The following TRAPPC9 variants were observed in gnomAD, a reference collection of about 807,000 sequenced individuals.
TRAPPC9 encodes the protein trafficking protein particle complex subunit 9, also known as IKK2 binding protein.
In TRAPPC9, 83 loss-of-function variants were observed where a neutral mutation model predicts 124.0. The ratio of observed to expected loss-of-function variants is 0.67; its 90% CI spans 0.56 to 0.80. TRAPPC9 has a LOEUF of 0.80. Ranked by LOEUF, TRAPPC9 falls within the 30% of genes least tolerant of loss-of-function variation. The pLI, the probability that TRAPPC9 is intolerant of heterozygous loss-of-function variation, is 0.00. For missense variants in TRAPPC9, 1,302 were observed against 1,508.3 expected (o/e 0.86, Z 2.27); for synonymous variants, 638 against 617.5 (o/e 1.03, Z -0.49).
chr8:140,181,844 T>C (rs1427320827), intron 17 of TRAPPC9, among the ~76,000 whole-genome samples: 1 of 152,202 alleles, frequency 6.6e-6, no homozygotes, highest in East Asian at 1.9e-4. Context: ...AATTACTTCT[T>C]ATGGGAAGTC....
At chr8:140,275,126 G>A (rs1295781334) in intron 15 of TRAPPC9, among the ~76,000 whole-genome samples, 2 of 152,138 alleles carry the variant, frequency 1.3e-5, no homozygotes, top group Non-Finnish European at 2.9e-5. Flanking sequence ...CTCTTGTAAT[G>A]TATGTGCTAA....
At chr8:140,156,586 C>T (rs961051991) in intron 17 of TRAPPC9, among the ~76,000 whole-genome samples, 3 of 152,212 alleles carry the variant, frequency 2.0e-5, no homozygotes, top group Non-Finnish European at 2.9e-5. Context: ...GCGGGAGCCT[C>T]GGAGTTCTGT....
chr8:139,951,002 T>TC (rs1834606446), intron 19 of TRAPPC9, among the ~76,000 whole-genome samples: 1 of 152,086 alleles, frequency 6.6e-6, no homozygotes, highest in Non-Finnish European at 1.5e-5. Context: ...ACAGAGTGCC[T>TC]CACCTGCTCA....
At chr8:139,960,476 G>A (rs927608660) in intron 19 of TRAPPC9, among the ~76,000 whole-genome samples, 10 of 152,090 alleles carry the variant, frequency 6.6e-5, no homozygotes, top group African/African-American at 2.4e-4. Flanking sequence ...GGGTTCTCCC[G>A]CCTCTCAATG....
At chr8:139,945,206 G>A (rs1378639462) in intron 19 of TRAPPC9, among the ~76,000 whole-genome samples, 1 of 152,058 alleles carries the variant, frequency 6.6e-6, no homozygotes, top group East Asian at 1.9e-4. Flanking sequence ...TATAAGTAAA[G>A]TACTTTAAAT....
At chr8:139,858,708 C>T (rs1219340112) in intron 21 of TRAPPC9, among the ~76,000 whole-genome samples, 3 of 151,946 alleles carry the variant, frequency 2.0e-5, no homozygotes, top group East Asian at 3.9e-4. Flanking sequence ...GCAACACAGC[C>T]GGCACCTGCA....
At chr8:139,909,746 G>A (rs547818642) in intron 20 of TRAPPC9, among the ~76,000 whole-genome samples, 17 of 152,318 alleles carry the variant, frequency 1.1e-4, no homozygotes, top group African/African-American at 3.4e-4. Context: ...TTCATGCCTC[G>A]GTAAGCTGTA....
intron 19 of TRAPPC9, among the ~76,000 whole-genome samples, chr8:139,975,927 C>CTTT (rs528679775): frequency 0.01 from 989 of 95,464 alleles, 13 homozygotes; most frequent in Non-Finnish European, 0.013. Context: ...AAAGGACAGT[C>CTTT]TTTTTTTTTT....
intron 17 of TRAPPC9, among the ~76,000 whole-genome samples, chr8:140,134,888 C>T (rs1028743430): frequency 6.6e-6 from 1 of 152,124 alleles, no homozygotes; most frequent in East Asian, 1.9e-4. Flanking sequence ...AGATAGTCTA[C>T]AGAACGGGAG....
At position 140,063,820 on chromosome 8, in the gene TRAPPC9, T is replaced by C. The variant is rs957724110; in HGVS notation, c.2557-39741A>G. On this transcript the variant is annotated intron_variant, in intron 17 of 22. Coordinates refer to ENST00000438773, the MANE Select transcript of TRAPPC9 (RefSeq NM_001160372.4). This position sits in a 1 kb window ranked among gnomAD's most constrained non-coding sequence, Gnocchi z 4.3. ...CCTCAGTGGCCCATGTTGCCTGCTC[T>C]CTTGTCACCCTTTCGGGTTCACAAT... Among the ~76,000 whole-genome samples, 1 of 152,152 alleles carries C rather than the reference T, an allele frequency of 6.6e-6. No individual in the cohort carries two copies. Among genetic ancestry groups the C allele is most frequent in the Non-Finnish European group, 1.5e-5 (1 of 68,040 alleles).
intron 21 of TRAPPC9, among the ~76,000 whole-genome samples, chr8:139,863,643 G>A (rs981772528): frequency 6.6e-6 from 1 of 152,200 alleles, no homozygotes; most frequent in African/African-American, 2.4e-5. Flanking sequence ...CTCAGCAGGC[G>A]TTCCCTGAAG....
chr8:140,333,380 T>A (rs377410077), intron 9 of TRAPPC9, among the ~76,000 whole-genome samples: 1 of 152,044 alleles, frequency 6.6e-6, no homozygotes, highest in Non-Finnish European at 1.5e-5. Context: ...TATAGATACA[T>A]AGGTTTTTGT....
intron 7 of TRAPPC9, among the ~76,000 whole-genome samples, chr8:140,388,956 C>CTTTT (rs1244741598): frequency 8.0e-6 from 1 of 125,396 alleles, no homozygotes; most frequent in Non-Finnish European, 1.7e-5. Flanking sequence ...CAAACACTGT[C>CTTTT]TTTTTTTTTT....
At chr8:140,148,982 TG>T (rs1157980092) in intron 17 of TRAPPC9, among the ~76,000 whole-genome samples, 1 of 152,178 alleles carries the variant, frequency 6.6e-6, no homozygotes, top group Non-Finnish European at 1.5e-5. Flanking sequence ...CTAATGCATT[TG>T]GGGGTGGGTT....
intron 21 of TRAPPC9, among the ~76,000 whole-genome samples, chr8:139,752,598 T>C (rs746708315): frequency 1.4e-5 from 2 of 148,094 alleles, no homozygotes; most frequent in African/African-American, 5.0e-5. Flanking sequence ...CCATCCACCA[T>C]TCACACATCC....
intron 21 of TRAPPC9, among the ~76,000 whole-genome samples, chr8:139,775,360 T>C (rs1821286553): frequency 6.6e-6 from 1 of 152,220 alleles, no homozygotes; most frequent in African/African-American, 2.4e-5. Flanking sequence ...TGATTATTCA[T>C]TCCCTTTGTG....
chr8:139,887,918 C>G (rs921746698), intron 20 of TRAPPC9, among the ~76,000 whole-genome samples: 2 of 152,212 alleles, frequency 1.3e-5, no homozygotes, highest in African/African-American at 4.8e-5. Context: ...GAGGCCACGC[C>G]TCATTCAGCA....
chr8:139,860,519 C>T (rs905793823), intron 21 of TRAPPC9, among the ~76,000 whole-genome samples: 1 of 152,230 alleles, frequency 6.6e-6, no homozygotes, highest in African/African-American at 2.4e-5. Flanking sequence ...CCCCGGCCCC[C>T]AGCTCAAAGA....
At chr8:140,384,261 C>A (rs544368097) in intron 7 of TRAPPC9, among the ~76,000 whole-genome samples, 55 of 151,816 alleles carry the variant, frequency 3.6e-4, no homozygotes, top group Admixed American at 6.6e-4. Context: ...AATTAACGAG[C>A]AAAATAACCA....
Sources: allele counts gnomAD v4.1 joint callset (sites outside exome capture counted in the v4.1 genomes callset), GRCh38; gene constraint gnomAD v4.1.1; non-coding constraint Gnocchi (gnomAD v3.1); transcripts MANE v1.5; gene names NCBI Gene and HGNC (gene_info 2026-07-23, HGNC 2026-07-21).